QRICH2: variants seen among roughly 807,000 people sequenced by gnomAD.
The protein encoded by QRICH2 is glutamine-rich protein 2.
In QRICH2, 119 loss-of-function variants were observed where a neutral mutation model predicts 168.3. The observed-to-expected ratio is 0.71, with a 90% confidence interval of 0.61 to 0.82. The LOEUF (loss-of-function observed/expected upper bound fraction) is 0.82, where lower values mean the gene tolerates loss of function less well. QRICH2 is among the 40% of genes least tolerant of loss of function. QRICH2 has a pLI of 0.00. For synonymous variants in QRICH2, 894 were observed against 951.2 expected, an observed-to-expected ratio of 0.94 and a Z score of 1.11; for missense variants, 2,241 against 2,491.6, an observed-to-expected ratio of 0.90 and a Z score of 2.14.
chr17:76,275,417 G>A (rs760101621), intron 18 of QRICH2, among the ~76,000 whole-genome samples: 30 of 152,164 alleles, frequency 2.0e-4, no homozygotes, highest in Non-Finnish European at 3.5e-4. Context: ...TCTTCCAGGC[G>A]GGAGGCAGAG....
Position 76,291,663 on chromosome 17 carries a change from C to A in QRICH2, c.3064G>T (p.Val1022Leu), listed in dbSNP as rs766228859. 3.7e-6 allele frequency: 6 copies of A among 1,614,038 alleles called. No individual in the cohort carries two copies. The African/African-American group carries it at 5.3e-5, about 14-fold the overall frequency. Residue 1022 changes from valine to leucine, a missense_variant, in exon 4 of 19, where the codon GTG (valine) becomes TTG (leucine). Val to Leu is a conservative substitution (Grantham distance 32). Transcript: ENST00000680821. ...VPPGREQYGQ[V>L]SPLLASQGLA... ...CCTTGACTGGCTAGGAGTGGTGACA[C>A]CTGGCCGTATTGTTCTCTGCCAGGA...
In QRICH2 at chr17:76,292,834, GGCCAAACCAGAC is replaced by G; in HGVS notation, c.1881_1892del (p.Gln627_Ala631delinsHis). The G allele has an allele frequency of 6.2e-7, 1 of 1,600,988 alleles. No homozygotes were observed. Among genetic ancestry groups the G allele is most frequent in the African/African-American group, 1.5e-5 (1 of 65,460 alleles). On this transcript the variant is annotated inframe_deletion, in exon 4 of 19. Transcript: ENST00000680821. Reference sequence around the variant, plus strand: ...AACCATGCTGATCTCTACCAGGTTGGGCCAAACCAGACTGATCCATTCCAGGCCAGACCAAAC... The same window carrying G: ...AACCATGCTGATCTCTACCAGGTTGGTGATCCATTCCAGGCCAGACCAAAC...
At chr17:76,297,871 T>TTG (rs1491143533) in intron 3 of QRICH2, among the ~76,000 whole-genome samples, 4 of 46,226 alleles carry the variant, frequency 8.7e-5, no homozygotes, top group Non-Finnish European at 1.3e-4. Flanking sequence ...TAGGAATCTG[T>TTG]TTTTTTTTTT....
chr17:76,308,893 G>A (rs187282720), upstream of QRICH2, among the ~76,000 whole-genome samples: 43 of 151,712 alleles, frequency 2.8e-4, no homozygotes, highest in African/African-American at 8.9e-4. Flanking sequence ...TTACAGATGC[G>A]TGGTACCATG....
Position 76,292,023 on chromosome 17 carries a change from C to A in QRICH2, c.2704G>T (p.Val902Phe). ...CCCAGCTGACCTGCACCAGGCTGGA[C>A]CAAACCAGGCTGATCTGCACCAGGT... ...IQPGADQPGL[V>F]QPGAGQLGMV... The change falls in exon 4 of 19, where the codon GTC becomes TTC. Residue 902 changes from valine (V) to phenylalanine (F), a missense_variant. Val to Phe is a conservative substitution (Grantham distance 50). Coordinates refer to ENST00000680821, the MANE Select transcript of QRICH2 (RefSeq NM_001388453.1). 2.5e-6 allele frequency: 4 copies of A among 1,614,204 alleles called. No homozygotes were observed. The highest frequency in any genetic ancestry group is 3.4e-6 in the Non-Finnish European group (4 of 1,180,044).
intron 3 of QRICH2, among the ~76,000 whole-genome samples, chr17:76,299,419 CA>C (rs1379012968): frequency 5.3e-5 from 8 of 152,066 alleles, no homozygotes; most frequent in Non-Finnish European, 1.0e-4. Context: ...GGCTCATTCT[CA>C]GAGGAAAGCG....
At chr17:76,288,842 C>G (rs1025881177) in intron 5 of QRICH2, among the ~76,000 whole-genome samples, 1 of 152,020 alleles carries the variant, frequency 6.6e-6, no homozygotes, top group Non-Finnish European at 1.5e-5. Context: ...TGGTGGCTCA[C>G]GCCTGTAATC....
chr17:76,307,660 C>T lies in QRICH2; in HGVS notation c.339G>A (p.Leu113=), dbSNP rs140460331. 7.9e-5 allele frequency: 116 copies of T among 1,471,362 alleles called. No homozygotes were observed. Among genetic ancestry groups the T allele is most frequent in the Non-Finnish European group, 1.0e-4 (114 of 1,106,708 alleles). 91.1% of individuals were successfully genotyped at this position (1,471,362 alleles called of 1,614,324 possible). Residue 113 remains leucine, a synonymous_variant, in exon 1 of 19, where the codon CTG becomes CTA. Coordinates refer to ENST00000680821, the MANE Select transcript of QRICH2 (RefSeq NM_001388453.1). The surrounding 1 kb of genome is among the most constrained non-coding windows in gnomAD (Gnocchi z 5.3). ...VKDLGGQVED[L]SKQLKRVDGQ... ...CGTCCACACGCTTGAGCTGCTTGCT[C>T]AGGTCCTCCACCTGGCCGCCCAGGT...
Position 76,297,229 on chromosome 17 carries a change from G to A in QRICH2, c.706-3208C>T, listed in dbSNP as rs190015042. On this transcript the variant is annotated intron_variant, in intron 3 of 18. Coordinates refer to ENST00000680821, the MANE Select transcript of QRICH2 (RefSeq NM_001388453.1). ...TGTATAAGAATACAAAAATATGGCC[G>A]GGTGTGGTGTCCCACACCGGTAATC... 3.9e-5 allele frequency among the ~76,000 whole-genome samples: 6 copies of A among 152,260 alleles called. No individual in the cohort carries two copies. In the South Asian group the frequency reaches 8.3e-4, roughly 21 times the overall value.
intron 18 of QRICH2, 45 bp downstream of exon 18, chr17:76,275,774 C>T (rs1481477862): frequency 4.4e-6 from 7 of 1,591,594 alleles, no homozygotes; most frequent in Non-Finnish European, 5.1e-6. Context: ...GCCGGCAGGG[C>T]CAGCGGGGAG....
Position 76,307,802 on chromosome 17 carries a change from C to T in QRICH2, c.197G>A (p.Ser66Asn), listed in dbSNP as rs866385354. The T allele has an allele frequency of 7.5e-7, 1 of 1,339,160 alleles. No individual in the cohort carries two copies. Among genetic ancestry groups the T allele is most frequent in the East Asian group, 2.9e-5 (1 of 34,326 alleles). The allele number at this position is 1,339,160 out of a possible 1,614,324, so 83.0% of individuals were successfully genotyped here. Reference sequence around the variant, plus strand: ...GGGCAGGTGCGGGATGCTGAACGAGCTCCGGACGGACTGCAGCGAGCGGCT... The same window carrying T: ...GGGCAGGTGCGGGATGCTGAACGAGTTCCGGACGGACTGCAGCGAGCGGCT... The part of the protein sequence containing the change: ...EPSRSLQSVR[S>N]SFSIPHLPAP... Residue 66 changes from serine (S) to asparagine (N), a missense_variant, in exon 1 of 19, where the codon AGC becomes AAC. Ser to Asn is a conservative substitution (Grantham distance 46, BLOSUM62 1). This residue lies in a region of QRICH2 where 2,047 missense variants were observed against 2,303.8 expected (regional missense o/e 0.89). Coordinates refer to ENST00000680821, the MANE Select transcript of QRICH2 (RefSeq NM_001388453.1). This position sits in a 1 kb window ranked among gnomAD's most constrained non-coding sequence, Gnocchi z 5.3.
chr17:76,293,626 G>A lies in QRICH2; in HGVS notation c.1101C>T (p.Pro367=). The change falls in exon 4 of 19, where the codon CCC becomes CCT. Residue 367 remains proline (P), a synonymous_variant. Coordinates refer to ENST00000680821, the MANE Select transcript of QRICH2 (RefSeq NM_001388453.1). ...CACTACTGGGCTGGTCTCTGGCCAA[G>A]GGTAAGTCCTGTTGAACTGGACCAG... ...ARPGPVQQDL[P]LARDQPSSVP... The A allele has an allele frequency of 6.2e-7, 1 of 1,614,198 alleles. No individual in the cohort carries two copies. The highest frequency in any genetic ancestry group is 8.5e-7 in the Non-Finnish European group (1 of 1,180,026).
intron 3 of QRICH2, among the ~76,000 whole-genome samples, chr17:76,296,309 G>A (rs571835621): frequency 6.6e-6 from 1 of 152,200 alleles, no homozygotes; most frequent in Non-Finnish European, 1.5e-5. Flanking sequence ...TAATCCCCAA[G>A]CGGTGGAGAA....
At position 76,293,561 on chromosome 17, in the gene QRICH2, C is replaced by A; in HGVS notation, c.1166G>T (p.Arg389Leu). ...CATGCCAGTTGGTTCTAACCCACGA[C>A]GATCTGGCCTTAGATGGACCTGACT... ...SQSQVHLRPD[R>L]RGLEPTGMNQ... The change falls in exon 4 of 19, where the codon CGT (arginine) becomes CTT (leucine). Residue 389 changes from arginine to leucine, a missense_variant. Transcript: ENST00000680821. 6.2e-7 allele frequency: 1 copy of A among 1,614,204 alleles called. No individual in the cohort carries two copies. Among genetic ancestry groups the A allele is most frequent in the Non-Finnish European group, 8.5e-7 (1 of 1,180,044 alleles).
chr17:76,307,762 C>A lies in QRICH2; in HGVS notation c.237G>T (p.Val79=). 7.2e-7 allele frequency: 1 copy of A among 1,382,356 alleles called. No individual in the cohort carries two copies. Among genetic ancestry groups the A allele is most frequent in the East Asian group, 2.8e-5 (1 of 35,712 alleles). 85.6% of individuals were successfully genotyped at this position (1,382,356 alleles called of 1,614,324 possible). A position where few individuals can be genotyped will look rare whatever the true frequency, so the allele number is the denominator to read the frequency against. ...SIPHLPAPKE[V]PKGAPREKRR... The stretch of plus-strand genomic sequence containing the variant: ...GCTTCTCCCGGGGCGCCCCCTTGGG[C>A]ACCTCCTTGGGCGCGGGCAGGTGCG... Residue 79 remains valine, a synonymous_variant, in exon 1 of 19, where the codon GTG becomes GTT. Transcript: ENST00000680821. This position sits in a 1 kb window ranked among gnomAD's most constrained non-coding sequence, Gnocchi z 5.3.
chr17:76,282,345 CAGA>C (rs1358905336), intron 7 of QRICH2, among the ~76,000 whole-genome samples: 8 of 152,204 alleles, frequency 5.3e-5, no homozygotes, highest in East Asian at 1.9e-4. Flanking sequence ...AAGCCCTTGC[CAGA>C]AGAAGGCCTC....
chr17:76,307,671 C>T lies in QRICH2; in HGVS notation c.328G>A (p.Val110Met), dbSNP rs878938785. 2.1e-6 allele frequency: 3 copies of T among 1,459,936 alleles called. No homozygotes were observed. In the African/African-American group the frequency reaches 4.3e-5, roughly 21 times the overall value. 90.4% of individuals were successfully genotyped at this position (1,459,936 alleles called of 1,614,324 possible). Residue 110 changes from valine (V) to methionine (M), a missense_variant, in exon 1 of 19, where the codon GTG becomes ATG. Physicochemically the swap from Val to Met is conservative, Grantham distance 21. Around this residue, in one of 3 missense-constraint regions of QRICH2, gnomAD observed 2,047 missense variants for 2,303.8 expected, o/e 0.89. Transcript: ENST00000680821. This position sits in a 1 kb window ranked among gnomAD's most constrained non-coding sequence, Gnocchi z 5.3. ...TTGAGCTGCTTGCTCAGGTCCTCCA[C>T]CTGGCCGCCCAGGTCCTTCACTTGG... Reference protein sequence around the residue: ...ESQVKDLGGQVEDLSKQLKRV... With the variant: ...ESQVKDLGGQMEDLSKQLKRV...
At position 76,307,838 on chromosome 17, in the gene QRICH2, G is replaced by A; in HGVS notation, c.161C>T (p.Ser54Leu). 7.8e-7 allele frequency: 1 copy of A among 1,285,344 alleles called. No homozygotes were observed. Among genetic ancestry groups the A allele is most frequent in the Non-Finnish European group, 9.8e-7 (1 of 1,018,356 alleles). The allele number at this position is 1,285,344 out of a possible 1,614,324, so 79.6% of individuals were successfully genotyped here. Reference protein sequence around the residue: ...QNTRIDFQPSSPEPSRSLQSV... With the variant: ...QNTRIDFQPSLPEPSRSLQSV... ...CTGCAGCGAGCGGCTGGGCTCGGGC[G>A]ACGAGGGCTGGAAGTCGATCCGGGT... is the stretch of plus-strand genomic sequence containing the variant. Residue 54 changes from serine to leucine, a missense_variant, in exon 1 of 19, where the codon TCG (serine) becomes TTG (leucine). Physicochemically the swap from Ser to Leu is moderately radical, Grantham distance 145 (BLOSUM62 -2). Transcript: ENST00000680821. The surrounding 1 kb of genome is among the most constrained non-coding windows in gnomAD (Gnocchi z 5.3).
rs919088914 is a variant in QRICH2, at chr17:76,292,739, G to T, written c.1988C>A (p.Pro663His). 41 of 1,612,784 alleles carry T rather than the reference G, an allele frequency of 2.5e-5. No homozygotes were observed. Among genetic ancestry groups the T allele is most frequent in the Non-Finnish European group, 3.1e-5 (37 of 1,179,780 alleles). The part of the protein sequence containing the change: ...SGTGQGVLVQ[P>H]GVDQPGMVQP... ...GACCATGCCAGGCTGATCTACACCA[G>T]GCTGTACCAAGACACCCTGACCTGT... is the stretch of plus-strand genomic sequence containing the variant. Residue 663 changes from proline (P) to histidine (H), a missense_variant, in exon 4 of 19, where the codon CCT becomes CAT. This residue lies in a region of QRICH2 where 2,047 missense variants were observed against 2,303.8 expected (regional missense o/e 0.89). Coordinates refer to ENST00000680821, the MANE Select transcript of QRICH2 (RefSeq NM_001388453.1).
Sources: allele counts gnomAD v4.1 joint callset (sites outside exome capture counted in the v4.1 genomes callset), GRCh38; gene constraint gnomAD v4.1.1; regional missense constraint gnomAD v4.1.1; non-coding constraint Gnocchi (gnomAD v3.1); transcripts MANE v1.5; gene names NCBI Gene and HGNC (gene_info 2026-07-23, HGNC 2026-07-21).